Variants in TMEM132C observed in about 807,000 individuals in gnomAD.
The protein encoded by TMEM132C is transmembrane protein 132C.
TMEM132C carries 29 observed loss-of-function variants against 61.4 expected under a neutral mutation model. The ratio of observed to expected loss-of-function variants is 0.47; its 90% CI spans 0.35 to 0.64. The LOEUF (loss-of-function observed/expected upper bound fraction) is 0.64. Ranked by LOEUF, TMEM132C falls within the 30% of genes least tolerant of loss-of-function variation. The pLI is 0.00. For missense variants in TMEM132C, 1,408 were observed against 1,476.9 expected (o/e 0.95, Z 0.76); for synonymous variants, 656 against 633.1 (o/e 1.04, Z -0.54).
intron 1 of TMEM132C, chr12:128,404,453 G>A (rs1875268799): frequency 6.6e-6 from 1 of 152,168 alleles, no homozygotes; most frequent in African/African-American, 2.4e-5. Context: ...AATCTCCGCA[G>A]GTCCTACCCA....
chr12:128,280,814 A>G (rs912265068), intron 1 of TMEM132C, among the ~76,000 whole-genome samples: 3 of 152,130 alleles, frequency 2.0e-5, no homozygotes, highest in Non-Finnish European at 4.4e-5. Flanking sequence ...ACTGTGTTTC[A>G]TTGGCTCTGT....
intron 4 of TMEM132C, among the ~76,000 whole-genome samples, chr12:128,644,717 G>T (rs1349795366): frequency 6.6e-6 from 1 of 152,172 alleles, no homozygotes; most frequent in East Asian, 1.9e-4. Context: ...GGCACTATAC[G>T]CTTAAATTGT....
At chr12:128,495,457 T>C (rs1257183540) in intron 2 of TMEM132C, among the ~76,000 whole-genome samples, 1 of 152,190 alleles carries the variant, frequency 6.6e-6, no homozygotes, top group Non-Finnish European at 1.5e-5. Context: ...CTCATTATTA[T>C]TGTGTGGGAG....
rs547555897 is a variant in TMEM132C, at chr12:128,278,656, C to T, written c.85+11169C>T. ...CAAACATCAGCTTTTTACTAAACCC[C>T]GGTGGTCAGGGTGTCCATGATGACT... is the stretch of plus-strand genomic sequence containing the variant. On this transcript the variant is annotated intron_variant, in intron 1 of 8. Coordinates refer to ENST00000435159, the MANE Select transcript of TMEM132C (RefSeq NM_001136103.3). This position sits in a 1 kb window ranked among gnomAD's most constrained non-coding sequence, Gnocchi z 4.2. 6.6e-5 allele frequency among the ~76,000 whole-genome samples: 10 copies of T among 152,168 alleles called. No homozygotes were observed. Among genetic ancestry groups the T allele is most frequent in the East Asian group, 1.9e-4 (1 of 5,172 alleles).
At chr12:128,473,759 C>T (rs1871066955) in intron 2 of TMEM132C, among the ~76,000 whole-genome samples, 1 of 152,266 alleles carries the variant, frequency 6.6e-6, no homozygotes, top group South Asian at 2.1e-4. Flanking sequence ...TTCATCTTCA[C>T]GTGTCTTCTG....
intron 1 of TMEM132C, among the ~76,000 whole-genome samples, chr12:128,301,238 G>C (rs1514900): frequency 0.69 from 104,439 of 151,802 alleles, 36,927 homozygotes; most frequent in South Asian, 0.83. Context: ...AATAGACACA[G>C]AAATGCAGAG....
chr12:128,564,296 T>C (rs1193473300), intron 3 of TMEM132C, among the ~76,000 whole-genome samples: 1 of 152,232 alleles, frequency 6.6e-6, no homozygotes, highest in Admixed American at 6.5e-5. Flanking sequence ...GGCACAGATA[T>C]GCGGGTCACA....
At chr12:128,660,309 A>G (rs1316092319) in intron 4 of TMEM132C, among the ~76,000 whole-genome samples, 2 of 152,180 alleles carry the variant, frequency 1.3e-5, no homozygotes. Context: ...GTGCTCAAAA[A>G]TGGGATGACT....
At chr12:128,280,642 G>C (rs1224339489) in intron 1 of TMEM132C, among the ~76,000 whole-genome samples, 2 of 152,102 alleles carry the variant, frequency 1.3e-5, no homozygotes, top group African/African-American at 2.4e-5. Flanking sequence ...ACTTGATCTG[G>C]GTATTCAATT....
At chr12:128,693,743 T>C (rs1954736316) in intron 5 of TMEM132C, 86 bp from the exon 6 acceptor site, 1 of 1,433,486 alleles carries the variant, frequency 7.0e-7, no homozygotes. Context: ...ATTTGTGCTT[T>C]GCAAGATAAT....
chr12:128,539,015 C>A (rs1162300918), intron 2 of TMEM132C, among the ~76,000 whole-genome samples: 1 of 152,110 alleles, frequency 6.6e-6, no homozygotes, highest in Non-Finnish European at 1.5e-5. Context: ...ATATTTAGCT[C>A]ATATTTATCC....
intron 2 of TMEM132C, among the ~76,000 whole-genome samples, chr12:128,476,196 G>A (rs527295854): frequency 1.3e-5 from 2 of 152,278 alleles, no homozygotes; most frequent in African/African-American, 4.8e-5. Context: ...CTGTCCATTG[G>A]ATTAATTCGC....
At chr12:128,673,979 C>T (rs1954559854) in intron 5 of TMEM132C, among the ~76,000 whole-genome samples, 1 of 152,160 alleles carries the variant, frequency 6.6e-6, no homozygotes, top group South Asian at 2.1e-4. Flanking sequence ...GTGTGATATG[C>T]ACAGTGTTGC....
chr12:128,589,015 A>G (rs1002116472), intron 3 of TMEM132C, among the ~76,000 whole-genome samples: 2 of 152,144 alleles, frequency 1.3e-5, no homozygotes, highest in African/African-American at 4.8e-5. Context: ...CCTTGGGAGC[A>G]TTTGGGACTG....
chr12:128,671,840 G>A (rs997424728), intron 5 of TMEM132C, among the ~76,000 whole-genome samples: 4 of 152,062 alleles, frequency 2.6e-5, no homozygotes, highest in Admixed American at 1.3e-4. Context: ...TAATTTACCC[G>A]GAAGTGATAT....
At chr12:128,420,544 A>C (rs1868952049) in intron 2 of TMEM132C, among the ~76,000 whole-genome samples, 2 of 152,242 alleles carry the variant, frequency 1.3e-5, no homozygotes, top group African/African-American at 4.8e-5. Context: ...CTTTTGTTCC[A>C]GGTGAGATGG....
At chr12:128,637,553 G>A (rs752030886) in intron 4 of TMEM132C, among the ~76,000 whole-genome samples, 2 of 152,176 alleles carry the variant, frequency 1.3e-5, no homozygotes, top group African/African-American at 2.4e-5. Flanking sequence ...TGTTTTTGCT[G>A]TTCTCTTTTT....
intron 1 of TMEM132C, among the ~76,000 whole-genome samples, chr12:128,325,461 A>G (rs1240195326): frequency 6.6e-6 from 1 of 152,184 alleles, no homozygotes; most frequent in South Asian, 2.1e-4. Context: ...CTGTGTGTGC[A>G]TTATATGCCT....
chr12:128,438,314 C>T (rs1593053186), intron 2 of TMEM132C, among the ~76,000 whole-genome samples: 1 of 152,074 alleles, frequency 6.6e-6, no homozygotes, highest in Non-Finnish European at 1.5e-5. Context: ...TGAGTGCTTG[C>T]TCTGTTAGTT....
Sources: allele counts gnomAD v4.1 joint callset (sites outside exome capture counted in the v4.1 genomes callset), GRCh38; gene constraint gnomAD v4.1.1; non-coding constraint Gnocchi (gnomAD v3.1); transcripts MANE v1.5; gene names NCBI Gene and HGNC (gene_info 2026-07-23, HGNC 2026-07-21).